The following GLRA3 variants were observed in gnomAD, a reference collection of about 807,000 sequenced individuals.
GLRA3 encodes glycine receptor alpha 3.
GLRA3 carries 44 observed loss-of-function variants against 60.4 expected under a neutral mutation model. That is an observed-to-expected ratio of 0.73 (90% CI 0.57 to 0.94). GLRA3 has a LOEUF of 0.94. GLRA3 is among the 40% of genes least tolerant of loss of function. The pLI, the probability that GLRA3 is intolerant of heterozygous loss-of-function variation, is 0.00. For missense variants in GLRA3, 508 were observed against 564.6 expected, an observed-to-expected ratio of 0.90 and a Z score of 1.02; for synonymous variants, 223 against 192.9, an observed-to-expected ratio of 1.16 and a Z score of -1.29.
intron 3 of GLRA3, among the ~76,000 whole-genome samples, chr4:174,758,335 A>T (rs536688301): frequency 6.6e-6 from 1 of 152,290 alleles, no homozygotes; most frequent in South Asian, 2.1e-4. Flanking sequence ...TTGATAGTAT[A>T]TACTCTTGAT....
intron 2 of GLRA3, among the ~76,000 whole-genome samples, chr4:174,772,156 C>A (rs1389065281): frequency 6.6e-6 from 1 of 152,174 alleles, no homozygotes; most frequent in Non-Finnish European, 1.5e-5. Flanking sequence ...AAAATAACAT[C>A]ATTTCCACAG....
At chr4:174,817,217 TA>T (rs1193930611) in intron 1 of GLRA3, among the ~76,000 whole-genome samples, 1 of 152,174 alleles carries the variant, frequency 6.6e-6, no homozygotes, top group Non-Finnish European at 1.5e-5. Flanking sequence ...GAAGTGTCTT[TA>T]AAGAGAAGCC....
chr4:174,773,086 A>T (rs1028856117), intron 2 of GLRA3, among the ~76,000 whole-genome samples: 1 of 152,198 alleles, frequency 6.6e-6, no homozygotes, highest in African/African-American at 2.4e-5. Context: ...TTGCCATTAC[A>T]GAGAGCACCT....
intron 1 of GLRA3, among the ~76,000 whole-genome samples, chr4:174,805,321 TAA>T (rs1424015491): frequency 2.0e-5 from 3 of 152,094 alleles, no homozygotes; most frequent in Non-Finnish European, 4.4e-5. Flanking sequence ...TTTGGCTGGG[TAA>T]AGTGACTTGA....
intron 3 of GLRA3, among the ~76,000 whole-genome samples, chr4:174,748,607 A>G (rs1737338911): frequency 6.6e-6 from 1 of 152,168 alleles, no homozygotes; most frequent in South Asian, 2.1e-4. Flanking sequence ...AACTAATCTT[A>G]TATAAAAGGA....
At chr4:174,765,092 G>A (rs532377585) in intron 3 of GLRA3, among the ~76,000 whole-genome samples, 1 of 152,160 alleles carries the variant, frequency 6.6e-6, no homozygotes, top group South Asian at 2.1e-4. Context: ...GGTAAGGAAA[G>A]GCTTGCATGC....
At chr4:174,732,835 G>A (rs1215508275) in intron 3 of GLRA3, among the ~76,000 whole-genome samples, 1 of 151,702 alleles carries the variant, frequency 6.6e-6, no homozygotes, top group East Asian at 1.9e-4. Flanking sequence ...GTATGTGTGT[G>A]TATATACATA....
At chr4:174,651,033 G>T (rs1226951380) in intron 9 of GLRA3, among the ~76,000 whole-genome samples, 1 of 152,204 alleles carries the variant, frequency 6.6e-6, no homozygotes, top group African/African-American at 2.4e-5. Context: ...GAAATTGACA[G>T]ATATTCCATC....
At chr4:174,698,175 GT>G (rs11303217) in intron 5 of GLRA3, among the ~76,000 whole-genome samples, 2,241 of 151,922 alleles carry the variant, frequency 0.015, 60 homozygotes, top group African/African-American at 0.05. Context: ...CTGGTCTTGG[GT>G]TTTTTTATTT....
At chr4:174,692,194 A>AG (rs1734855139) in intron 5 of GLRA3, among the ~76,000 whole-genome samples, 1 of 149,658 alleles carries the variant, frequency 6.7e-6, no homozygotes, top group South Asian at 2.1e-4. Context: ...GTCTCCACCC[A>AG]GCAGCCACCC....
Position 174,684,969 on chromosome 4 carries a change from T to C in GLRA3, c.575-2030A>G, listed in dbSNP as rs964132700. Among the ~76,000 whole-genome samples, 14 of 151,940 alleles carry C rather than the reference T, an allele frequency of 9.2e-5. No individual in the cohort carries two copies. The East Asian group carries it at 1.5e-3, about 17-fold the overall frequency. On this transcript the variant is annotated intron_variant, in intron 5 of 9. Coordinates refer to ENST00000274093, the MANE Select transcript of GLRA3 (RefSeq NM_006529.4). ...GGTTGTAGTGAGCTGAGATCGACCA[T>C]TGCACTCCAGCCTGGGCAACAGAGT...
rs1351030026 is a variant in GLRA3, at chr4:174,737,377, G to T, written c.268-8679C>A. 3.3e-5 allele frequency among the ~76,000 whole-genome samples: 5 copies of T among 152,168 alleles called. No homozygotes were observed. In the East Asian group the frequency reaches 9.6e-4, roughly 29 times the overall value. ...ATAAAAGATATGGTTTAGTAAATAAGAACAAAGGAATAGACATTATTGGCA... is the reference window on the plus strand; with the variant it reads ...ATAAAAGATATGGTTTAGTAAATAATAACAAAGGAATAGACATTATTGGCA... On this transcript the variant is annotated intron_variant, in intron 3 of 9. Transcript: ENST00000274093.
intron 5 of GLRA3, among the ~76,000 whole-genome samples, chr4:174,691,889 C>T (rs1472822516): frequency 6.6e-6 from 1 of 151,706 alleles, no homozygotes; most frequent in African/African-American, 2.4e-5. Flanking sequence ...TGCCTGGCTG[C>T]CCAGTCTGGA....
intron 4 of GLRA3, among the ~76,000 whole-genome samples, chr4:174,726,883 T>A (rs1736347428): frequency 6.6e-6 from 1 of 152,194 alleles, no homozygotes; most frequent in African/African-American, 2.4e-5. Flanking sequence ...GTAATTTTTT[T>A]AAAAGGTGCA....
chr4:174,669,987 A>G (rs1733842161), intron 7 of GLRA3, among the ~76,000 whole-genome samples: 1 of 152,238 alleles, frequency 6.6e-6, no homozygotes, highest in African/African-American at 2.4e-5. Flanking sequence ...GGAAAGTACA[A>G]CCAAAAAGAC....
At chr4:174,771,033 G>C (rs989175292) in intron 2 of GLRA3, among the ~76,000 whole-genome samples, 1 of 141,916 alleles carries the variant, frequency 7.0e-6, no homozygotes, top group Non-Finnish European at 1.5e-5. Flanking sequence ...ACTGAACAAT[G>C]AGAACACATG....
chr4:174,771,787 G>C lies in GLRA3; in HGVS notation c.200-4757C>G, dbSNP rs1324355195. 3.3e-5 allele frequency among the ~76,000 whole-genome samples: 5 copies of C among 152,122 alleles called. No homozygotes were observed. The South Asian group carries it at 1.0e-3, about 32-fold the overall frequency. Reference sequence around the variant, plus strand: ...TTTCTTGGATTTTAGTTTGTCACAGGCATTGAATAAAGGATGAGGCATTCT... The same window carrying C: ...TTTCTTGGATTTTAGTTTGTCACAGCCATTGAATAAAGGATGAGGCATTCT... On this transcript the variant is annotated intron_variant, in intron 2 of 9. Coordinates refer to ENST00000274093, the MANE Select transcript of GLRA3 (RefSeq NM_006529.4).
chr4:174,675,578 T>G (rs917992976), intron 7 of GLRA3, among the ~76,000 whole-genome samples: 1 of 152,154 alleles, frequency 6.6e-6, no homozygotes, highest in African/African-American at 2.4e-5. Context: ...CCTTTACAAA[T>G]TAACTATGAA....
At chr4:174,714,981 T>C (rs983053960) in intron 5 of GLRA3, among the ~76,000 whole-genome samples, 3 of 152,154 alleles carry the variant, frequency 2.0e-5, no homozygotes, top group African/African-American at 7.2e-5. Context: ...AGAGTGATAT[T>C]AAAATAATAA....
Sources: allele counts gnomAD v4.1 joint callset (sites outside exome capture counted in the v4.1 genomes callset), GRCh38; gene constraint gnomAD v4.1.1; transcripts MANE v1.5; gene names NCBI Gene and HGNC (gene_info 2026-07-23, HGNC 2026-07-21).